Variants in SPAG16 observed in about 807,000 individuals in gnomAD.
SPAG16 encodes sperm associated antigen 16.
A neutral mutation model predicts 80.4 loss-of-function variants in SPAG16; 86 were observed. The observed-to-expected ratio is 1.07, with a 90% confidence interval of 0.90 to 1.28. The LOEUF is 1.28. Among genes scored for constraint, SPAG16 ranks in the 50% most tolerant of loss-of-function variants. The pLI, the probability that SPAG16 is intolerant of heterozygous loss-of-function variation, is 0.00. For missense variants in SPAG16, 870 were observed against 765.3 expected (o/e 1.14, Z -1.61); for synonymous variants, 294 against 265.9 (o/e 1.11, Z -1.03).
intron 10 of SPAG16, among the ~76,000 whole-genome samples, chr2:213,624,862 C>T (rs971406352): frequency 2.0e-5 from 3 of 152,136 alleles, no homozygotes; most frequent in East Asian, 3.9e-4. Context: ...GTGATCTCAG[C>T]TCACTGCAAC....
intron 15 of SPAG16, among the ~76,000 whole-genome samples, chr2:214,298,431 T>A (rs539382489): frequency 6.6e-6 from 1 of 152,104 alleles, no homozygotes; most frequent in Non-Finnish European, 1.5e-5. Context: ...AGAAACTGTA[T>A]TTTTTTATGA....
intron 14 of SPAG16, among the ~76,000 whole-genome samples, chr2:214,116,441 A>T (rs1210211300): frequency 6.6e-6 from 1 of 152,046 alleles, no homozygotes; most frequent in Non-Finnish European, 1.5e-5. Context: ...TCCCCTTACT[A>T]CTTTTGGGGA....
chr2:213,994,804 G>C lies in SPAG16; in HGVS notation c.1401-19147G>C, dbSNP rs551722200. 5.3e-5 allele frequency among the ~76,000 whole-genome samples: 8 copies of C among 152,062 alleles called. No homozygotes were observed. In the East Asian group the frequency reaches 1.5e-3, roughly 29 times the overall value. Reference sequence around the variant, plus strand: ...GAGCAAAAATTGTTTTTATAATAAAGAACAAATCCAAAGACAGGCAATTCA... The same window carrying C: ...GAGCAAAAATTGTTTTTATAATAAACAACAAATCCAAAGACAGGCAATTCA... On this transcript the variant is annotated intron_variant, in intron 12 of 15. Transcript: ENST00000331683.
chr2:214,183,735 G>A (rs144401850), intron 15 of SPAG16, among the ~76,000 whole-genome samples: 9 of 152,020 alleles, frequency 5.9e-5, no homozygotes, highest in African/African-American at 1.7e-4. Flanking sequence ...TAATATTTTC[G>A]TCATCTGTGT....
At position 213,859,218 on chromosome 2, in the gene SPAG16, T is replaced by TAAAAAA. The variant is rs1575378884; in HGVS notation, c.1071-3267_1071-3266insAAAAAA. Among the ~76,000 whole-genome samples the TAAAAAA allele has an allele frequency of 4.7e-4, 8 of 16,902 alleles. 2 individuals are homozygous for TAAAAAA. Among genetic ancestry groups the TAAAAAA allele is most frequent in the Non-Finnish European group, 8.1e-4 (6 of 7,416 alleles). The allele number at this position is 16,902 out of a possible 152,430, so 11.1% of individuals were successfully genotyped here. A position where few individuals can be genotyped will look rare whatever the true frequency, so the allele number is the denominator to read the frequency against. On this transcript the variant is annotated intron_variant, in intron 10 of 15. Transcript: ENST00000331683. Reference sequence around the variant, plus strand: ...AAAAAAAAAAAAAAAAAAAAAAAACTCAATGTCCTCTGACAACTTGATGTA... The same window carrying TAAAAAA: ...AAAAAAAAAAAAAAAAAAAAAAAACTAAAAAACAATGTCCTCTGACAACTTGATGTA...
intron 10 of SPAG16, among the ~76,000 whole-genome samples, chr2:213,852,390 A>G (rs558066596): frequency 6.0e-4 from 91 of 152,306 alleles, no homozygotes; most frequent in Non-Finnish European, 8.2e-4. Flanking sequence ...CCGTGAAATG[A>G]TCTTAGGAGA....
rs2057906500 is a variant in SPAG16, at chr2:214,198,342, A to G, written c.1720+49076A>G. Among the ~76,000 whole-genome samples, 3 of 152,110 alleles carry G rather than the reference A, an allele frequency of 2.0e-5. No homozygotes were observed. In the South Asian group the frequency reaches 6.2e-4, roughly 31 times the overall value. On this transcript the variant is annotated intron_variant, in intron 15 of 15. Transcript: ENST00000331683. Reference sequence around the variant, plus strand: ...TTAGCTTTCACTTACAAGTGAGATTATACAAAATTTGGTTTTTCCATTCCT... The same window carrying G: ...TTAGCTTTCACTTACAAGTGAGATTGTACAAAATTTGGTTTTTCCATTCCT...
At chr2:213,344,297 T>A (rs966060740) in intron 6 of SPAG16, among the ~76,000 whole-genome samples, 9 of 152,258 alleles carry the variant, frequency 5.9e-5, no homozygotes, top group Admixed American at 3.3e-4. Context: ...AGCTCCAGCA[T>A]TTCCACTTCA....
intron 9 of SPAG16, among the ~76,000 whole-genome samples, chr2:213,397,295 G>C (rs1417888915): frequency 6.6e-6 from 1 of 152,126 alleles, no homozygotes. Context: ...ACATCTTACA[G>C]TACCTTTAAG....
At chr2:214,135,376 A>G (rs1188999747) in intron 14 of SPAG16, among the ~76,000 whole-genome samples, 1 of 152,154 alleles carries the variant, frequency 6.6e-6, no homozygotes, top group Non-Finnish European at 1.5e-5. Context: ...CTTTGTTAAT[A>G]CATGTGGTAC....
chr2:213,821,037 G>T (rs979486439), intron 10 of SPAG16, among the ~76,000 whole-genome samples: 1 of 151,812 alleles, frequency 6.6e-6, no homozygotes, highest in African/African-American at 2.4e-5. Context: ...TTCCTGTATT[G>T]CAGTTTTTTA....
At chr2:213,289,940 G>A (rs1353420246) in intron 1 of SPAG16, among the ~76,000 whole-genome samples, 1 of 152,180 alleles carries the variant, frequency 6.6e-6, no homozygotes, top group Non-Finnish European at 1.5e-5. Flanking sequence ...TTATTCATTG[G>A]TTTCTGGCTC....
At chr2:213,430,282 C>T (rs779503704) in intron 9 of SPAG16, among the ~76,000 whole-genome samples, 4 of 152,064 alleles carry the variant, frequency 2.6e-5, no homozygotes, top group East Asian at 1.9e-4. Context: ...TTGAATTAAT[C>T]GAGTCAGACA....
intron 10 of SPAG16, among the ~76,000 whole-genome samples, chr2:213,576,832 G>C (rs1053310845): frequency 1.3e-5 from 2 of 152,090 alleles, no homozygotes; most frequent in African/African-American, 4.8e-5. Context: ...ACACACTGGG[G>C]CCTTTTGGAG....
At chr2:214,159,265 C>A (rs929769198) in intron 15 of SPAG16, among the ~76,000 whole-genome samples, 1 of 151,794 alleles carries the variant, frequency 6.6e-6, no homozygotes. Flanking sequence ...TCCTAAGGAG[C>A]AGTTATTACA....
At chr2:213,859,216 AC>A (rs61480308) in intron 10 of SPAG16, among the ~76,000 whole-genome samples, 1,858 of 91,962 alleles carry the variant, frequency 0.02, 739 homozygotes, top group Non-Finnish European at 0.027. Context: ...AAAAAAAAAA[AC>A]TCAATGTCCT....
intron 15 of SPAG16, among the ~76,000 whole-genome samples, chr2:214,233,935 G>A (rs765956863): frequency 1.3e-5 from 2 of 151,872 alleles, no homozygotes; most frequent in Non-Finnish European, 2.9e-5. Context: ...GTACAGGTTT[G>A]TTACATAGGT....
intron 10 of SPAG16, among the ~76,000 whole-genome samples, chr2:213,760,916 A>C (rs2068621923): frequency 6.6e-6 from 1 of 152,210 alleles, no homozygotes; most frequent in African/African-American, 2.4e-5. Context: ...ACTTGTTTAT[A>C]ACTACCCCGC....
chr2:214,296,145 A>G (rs867697553), intron 15 of SPAG16, among the ~76,000 whole-genome samples: 5 of 152,190 alleles, frequency 3.3e-5, no homozygotes, highest in African/African-American at 1.2e-4. Flanking sequence ...AGTTAGAATA[A>G]GTGATTTATG....
Sources: gnomAD v4.1 joint callset for allele counts (sites outside exome capture counted in the v4.1 genomes callset) on GRCh38, gnomAD v4.1.1 for gene constraint, MANE v1.5 for transcripts, NCBI Gene and HGNC (gene_info 2026-07-23, HGNC 2026-07-21) for gene names.